Variants in RNF19A observed in about 807,000 individuals in gnomAD.
The protein encoded by RNF19A is E3 ubiquitin-protein ligase RNF19A.
A neutral mutation model predicts 75.7 loss-of-function variants in RNF19A; 32 were observed. The observed-to-expected ratio is 0.42, with a 90% CI of 0.32 to 0.57. RNF19A has a LOEUF of 0.57. Ranked by LOEUF, RNF19A falls within the 20% of genes least tolerant of loss-of-function variation. The pLI, the probability that RNF19A is intolerant of heterozygous loss-of-function variation, is 0.10. For missense variants in RNF19A, 782 were observed against 1,036.3 expected, an observed-to-expected ratio of 0.75 and a Z score of 3.37; for synonymous variants, 335 against 345.2, an observed-to-expected ratio of 0.97 and a Z score of 0.33.
In RNF19A at chr8:100,324,426, C is replaced by A. The variant is rs2130368648; in HGVS notation, c.-242-11054G>T. Among the ~76,000 whole-genome samples, 1 of 152,264 alleles carries A rather than the reference C, an allele frequency of 6.6e-6. No homozygotes were observed. Among genetic ancestry groups the A allele is most frequent in the South Asian group, 2.1e-4 (1 of 4,824 alleles). ...AATATTTACTGATTTATAGACCCAA[C>A]AGGAAAACAAGTGTGGAATTCTTGT... On this transcript the variant is annotated intron_variant, in intron 1 of 3. Coordinates refer to the RNF19A transcript ENST00000519527. The surrounding 1 kb of genome is among the most constrained non-coding windows in gnomAD (Gnocchi z 4.2).
chr8:100,261,494 A>C lies in RNF19A; in HGVS notation c.1682+48T>G. On this transcript the variant is annotated intron_variant, in intron 8 of 9. Transcript: ENST00000341084. This position sits in a 1 kb window ranked among gnomAD's most constrained non-coding sequence, Gnocchi z 4.4. The stretch of plus-strand genomic sequence containing the variant: ...TGTTCAAAATTCTCACCTAATTAAT[A>C]ATTTGTAGTTACCAGAAAGCAGAAC... 6.9e-7 allele frequency: 1 copy of C among 1,446,962 alleles called. No individual in the cohort carries two copies. The highest frequency in any genetic ancestry group is 9.7e-7 in the Non-Finnish European group (1 of 1,029,234). 89.6% of individuals were successfully genotyped at this position (1,446,962 alleles called of 1,614,324 possible).
At chr8:100,320,862 C>G (rs147127748) in intron 1 of RNF19A, among the ~76,000 whole-genome samples, 3 of 152,176 alleles carry the variant, frequency 2.0e-5, no homozygotes, top group East Asian at 3.9e-4. Context: ...TTATGGTTTC[C>G]TATTATATAA....
In RNF19A at chr8:100,262,329, G is replaced by C. The variant is rs564052576; in HGVS notation, c.1469-574C>G. The stretch of plus-strand genomic sequence containing the variant: ...TGATGAAAAGTGCATGTACGTACAT[G>C]TCTGTGAGCCATTTTATATGATGTG... On this transcript the variant is annotated intron_variant, in intron 7 of 9. Transcript: ENST00000341084. 1.2e-4 allele frequency among the ~76,000 whole-genome samples: 18 copies of C among 152,304 alleles called. 1 individual carries two copies. In the South Asian group the frequency reaches 3.7e-3, roughly 32 times the overall value.
At chr8:100,296,588 A>AAT (rs10694844) in intron 1 of RNF19A, among the ~76,000 whole-genome samples, 48,931 of 151,814 alleles carry the variant, frequency 0.32, 8,501 homozygotes, top group East Asian at 0.41. Context: ...TTAATTTGTG[A>AAT]ATATATATAT....
intron 1 of RNF19A, among the ~76,000 whole-genome samples, chr8:100,302,940 A>G (rs962851160): frequency 2.6e-5 from 4 of 152,230 alleles, no homozygotes; most frequent in Non-Finnish European, 5.9e-5. Context: ...ATTCCTGTTG[A>G]GACTGGAGGG....
rs1173726422 is a variant in RNF19A, at chr8:100,294,254, T to C, written c.-93-5987A>G. Among the ~76,000 whole-genome samples the C allele has an allele frequency of 2.6e-5, 4 of 152,234 alleles. No individual in the cohort carries two copies. The East Asian group carries it at 7.7e-4, about 29-fold the overall frequency. On this transcript the variant is annotated intron_variant, in intron 1 of 9. Transcript: ENST00000341084. ...TTATTATACTGGGCAATTAAGTCAC[T>C]GGCTAGTCAACTTGAACTTCTGAAA...
At chr8:100,313,531 G>T (rs1337534528), upstream of RNF19A, among the ~76,000 whole-genome samples, 1 of 151,598 alleles carries the variant, frequency 6.6e-6, no homozygotes, top group Non-Finnish European at 1.5e-5. Flanking sequence ...GGGACGGGGG[G>T]TGGTCAGAAA....
chr8:100,264,845 A>G lies in RNF19A; in HGVS notation c.1192-60T>C. 2 of 1,246,332 alleles carry G rather than the reference A, an allele frequency of 1.6e-6. No individual in the cohort carries two copies. 77.2% of individuals were successfully genotyped at this position (1,246,332 alleles called of 1,614,324 possible). A position where few individuals can be genotyped will look rare whatever the true frequency, so the allele number is the denominator to read the frequency against. On this transcript the variant is annotated intron_variant, in intron 5 of 9. Coordinates refer to ENST00000341084, the MANE Select transcript of RNF19A (RefSeq NM_183419.4). The surrounding 1 kb of genome is among the most constrained non-coding windows in gnomAD (Gnocchi z 4.7). ...GAGAAAATACATTACAATTTAACTT[A>G]GTTGAAAAAGATCTATACTTGCTAA...
rs1821127447 is a variant in RNF19A, at chr8:100,288,283, T to A, written c.-93-16A>T. On this transcript the variant is annotated splice_polypyrimidine_tract_variant and intron_variant, in intron 1 of 9. Transcript: ENST00000341084. ...CATGGATGTTCTGAAAAATAAAAAA[T>A]AAAAAAATCAAGATCATTTAATTGT... 4 of 1,315,032 alleles carry A rather than the reference T, an allele frequency of 3.0e-6. No homozygotes were observed. Among genetic ancestry groups the A allele is most frequent in the Admixed American group, 3.5e-5 (1 of 28,904 alleles). 81.5% of individuals were successfully genotyped at this position (1,315,032 alleles called of 1,614,324 possible). A position where few individuals can be genotyped will look rare whatever the true frequency, so the allele number is the denominator to read the frequency against.
In RNF19A at chr8:100,307,832, T is replaced by C. The variant is rs536667697; in HGVS notation, c.-94+2035A>G. ...GCTAAGTATTTTATTTATTCATCCA[T>C]TTTCTTGAATGAAGTATCTTTAAAA... On this transcript the variant is annotated intron_variant, in intron 1 of 9. Transcript: ENST00000341084. Among the ~76,000 whole-genome samples, 9 of 152,308 alleles carry C rather than the reference T, an allele frequency of 5.9e-5. No individual in the cohort carries two copies. In the South Asian group the frequency reaches 1.2e-3, roughly 21 times the overall value.
At chr8:100,297,752 A>G (rs1821636884) in intron 1 of RNF19A, among the ~76,000 whole-genome samples, 1 of 152,202 alleles carries the variant, frequency 6.6e-6, no homozygotes, top group African/African-American at 2.4e-5. Flanking sequence ...GTGTTCCACC[A>G]TGAGATTTTG....
intron 2 of RNF19A, among the ~76,000 whole-genome samples, chr8:100,281,047 G>A (rs537715841): frequency 6.6e-6 from 1 of 152,228 alleles, no homozygotes; most frequent in South Asian, 2.1e-4. Flanking sequence ...GACTCAAACA[G>A]CCCCCAGACC....
intron 1 of RNF19A, among the ~76,000 whole-genome samples, chr8:100,306,314 C>G (rs1032638638): frequency 5.9e-5 from 9 of 152,130 alleles, no homozygotes; most frequent in Non-Finnish European, 1.2e-4. Flanking sequence ...AGAGTTAAAA[C>G]AACTGAACAC....
chr8:100,264,223 A>AAAC lies in RNF19A; in HGVS notation c.1307-31_1307-29dup, dbSNP rs199534647. ...AAAGAGAAATTAAATCAGTCATTAC[A>AAAC]AACAACAACAACAAAATAACTCACA... On this transcript the variant is annotated intron_variant, in intron 6 of 9. Transcript: ENST00000341084. The surrounding 1 kb of genome is among the most constrained non-coding windows in gnomAD (Gnocchi z 4.7). 12 of 1,557,614 alleles carry AAAC rather than the reference A, an allele frequency of 7.7e-6. No homozygotes were observed. Among genetic ancestry groups the AAAC allele is most frequent in the East Asian group, 4.5e-5 (2 of 44,402 alleles).
intron 1 of RNF19A, among the ~76,000 whole-genome samples, chr8:100,327,502 C>T (rs926444753): frequency 1.3e-5 from 2 of 152,120 alleles, no homozygotes; most frequent in Non-Finnish European, 2.9e-5. Context: ...GTTCCCGCCT[C>T]GGCCTCCCAA....
Position 100,289,303 on chromosome 8 carries a change from A to C in RNF19A, c.-93-1036T>G, listed in dbSNP as rs374766252. On this transcript the variant is annotated intron_variant, in intron 1 of 9. Transcript: ENST00000341084. ...GACAAAAGAGACTATTTCTATGAAA[A>C]AATTCTTAAACAGAACATACAAGAA... Among the ~76,000 whole-genome samples, 151 of 152,270 alleles carry C rather than the reference A, an allele frequency of 9.9e-4. 2 individuals are homozygous for C. In the South Asian group the frequency reaches 0.021, roughly 21 times the overall value.
At chr8:100,265,436 A>C (rs1345346378) in intron 5 of RNF19A, among the ~76,000 whole-genome samples, 1 of 152,018 alleles carries the variant, frequency 6.6e-6, no homozygotes, top group African/African-American at 2.4e-5. Context: ...CAATCTCTGT[A>C]CAGGACAGGT....
At chr8:100,310,085 A>G, upstream of RNF19A, 2 of 985,308 alleles carry the variant, frequency 2.0e-6, no homozygotes, top group Non-Finnish European at 2.4e-6. Context: ...CCCGGGAACC[A>G]GCGCCGCAAC....
At chr8:100,309,777 C>A in intron 1 of RNF19A, 90 bp downstream of exon 1, 1 of 985,482 alleles carries the variant, frequency 1.0e-6, no homozygotes. Context: ...GCTAGGGCTG[C>A]GGCCCGGCCA....
Sources: gnomAD v4.1 joint callset for allele counts (sites outside exome capture counted in the v4.1 genomes callset) on GRCh38, gnomAD v4.1.1 for gene constraint, Gnocchi (gnomAD v3.1) non-coding constraint, MANE v1.5 for transcripts, NCBI Gene and HGNC (gene_info 2026-07-23, HGNC 2026-07-21) for gene names.